Variants in MIPOL1 observed in about 807,000 individuals in gnomAD.
MIPOL1 encodes mirror-image polydactyly 1, also known as mirror-image polydactyly gene 1 protein.
A neutral mutation model predicts 60.9 loss-of-function variants in MIPOL1; 57 were observed. The observed-to-expected ratio is 0.94, with a 90% CI of 0.76 to 1.17. The LOEUF (loss-of-function observed/expected upper bound fraction) is 1.17. Ranked by LOEUF, MIPOL1 falls within the 50% of genes most tolerant of loss-of-function variation. MIPOL1 has a pLI of 0.00. For missense variants in MIPOL1, 551 were observed against 511.6 expected (o/e 1.08, Z -0.74); for synonymous variants, 179 against 168.8 (o/e 1.06, Z -0.47).
At chr14:37,434,140 C>T (rs555458670) in intron 11 of MIPOL1, among the ~76,000 whole-genome samples, 132 of 152,164 alleles carry the variant, frequency 8.7e-4, no homozygotes, top group Non-Finnish European at 1.4e-3. Context: ...CTAATTTACA[C>T]TCCCACCAAC....
intron 11 of MIPOL1, among the ~76,000 whole-genome samples, chr14:37,465,747 T>A (rs1276126677): frequency 6.6e-6 from 1 of 152,054 alleles, no homozygotes; most frequent in Non-Finnish European, 1.5e-5. Context: ...TTAGTAAGTG[T>A]CTTAAATTTT....
chr14:37,394,057 C>CATTATATATATATATATAT (rs1555329417), intron 10 of MIPOL1, among the ~76,000 whole-genome samples: 1 of 73,310 alleles, frequency 1.4e-5, no homozygotes, highest in African/African-American at 4.8e-5. Context: ...TTAGTAGTGG[C>CATTATATATATATATATAT]ATATATATAT....
chr14:37,460,325 T>C (rs1229311659), intron 11 of MIPOL1, among the ~76,000 whole-genome samples: 1 of 152,010 alleles, frequency 6.6e-6, no homozygotes, highest in Non-Finnish European at 1.5e-5. Flanking sequence ...CTCTTCATGA[T>C]AAAAACCTTC....
At chr14:37,449,690 G>T (rs1301489621) in intron 11 of MIPOL1, among the ~76,000 whole-genome samples, 5 of 152,078 alleles carry the variant, frequency 3.3e-5, no homozygotes, top group Non-Finnish European at 7.4e-5. Flanking sequence ...ACTTAACCAA[G>T]TACTTAAAAT....
intron 10 of MIPOL1, among the ~76,000 whole-genome samples, chr14:37,415,716 G>A (rs1358327809): frequency 6.6e-6 from 1 of 151,828 alleles, no homozygotes; most frequent in Non-Finnish European, 1.5e-5. Flanking sequence ...GGAGAGACTT[G>A]GGCCATAATT....
intron 9 of MIPOL1, among the ~76,000 whole-genome samples, chr14:37,315,095 G>A (rs1319417807): frequency 6.6e-6 from 1 of 152,020 alleles, no homozygotes; most frequent in African/African-American, 2.4e-5. Context: ...CTGGGGGGTG[G>A]GATTATCACT....
intron 11 of MIPOL1, among the ~76,000 whole-genome samples, chr14:37,425,200 A>T (rs976367098): frequency 1.3e-5 from 2 of 152,166 alleles, no homozygotes; most frequent in Non-Finnish European, 2.9e-5. Context: ...TGCTCTGTTG[A>T]TGAAGTGACA....
intron 9 of MIPOL1, among the ~76,000 whole-genome samples, chr14:37,361,809 A>G (rs920408294): frequency 1.3e-5 from 2 of 151,732 alleles, no homozygotes; most frequent in South Asian, 2.1e-4. Context: ...GGGTTGCACC[A>G]TGTTAGCCAG....
chr14:37,469,341 A>G (rs1380988565), intron 11 of MIPOL1, among the ~76,000 whole-genome samples: 1 of 152,100 alleles, frequency 6.6e-6, no homozygotes, highest in Non-Finnish European at 1.5e-5. Context: ...GGGGGGTGCT[A>G]CATACTTTTA....
intron 1 of MIPOL1, among the ~76,000 whole-genome samples, chr14:37,225,722 C>T (rs966377459): frequency 6.6e-6 from 1 of 152,176 alleles, no homozygotes; most frequent in Non-Finnish European, 1.5e-5. Flanking sequence ...TAATATTTGG[C>T]TCCTCATTAC....
At chr14:37,497,570 G>A (rs1271143297) in intron 11 of MIPOL1, among the ~76,000 whole-genome samples, 1 of 152,192 alleles carries the variant, frequency 6.6e-6, no homozygotes, top group African/African-American at 2.4e-5. Context: ...GTCAGGCATG[G>A]TGGCATATGC....
intron 9 of MIPOL1, among the ~76,000 whole-genome samples, chr14:37,366,860 T>G (rs1329798966): frequency 6.6e-6 from 1 of 152,082 alleles, no homozygotes; most frequent in Non-Finnish European, 1.5e-5. Context: ...TATTTAAAAT[T>G]GCTGCATCCT....
intron 9 of MIPOL1, among the ~76,000 whole-genome samples, chr14:37,347,099 C>A (rs1375396959): frequency 6.6e-6 from 1 of 151,638 alleles, no homozygotes; most frequent in African/African-American, 2.4e-5. Flanking sequence ...AAGTTAATAC[C>A]GAAAAAGGAA....
At chr14:37,378,940 C>T (rs2092850109) in intron 10 of MIPOL1, among the ~76,000 whole-genome samples, 1 of 152,010 alleles carries the variant, frequency 6.6e-6, no homozygotes, top group Non-Finnish European at 1.5e-5. Context: ...AACAAGACCA[C>T]AGTGAAAGGT....
chr14:37,504,081 T>C (rs1305103358), intron 12 of MIPOL1: 1 of 152,068 alleles, frequency 6.6e-6, no homozygotes, highest in African/African-American at 2.4e-5. Flanking sequence ...ATGCACCCAA[T>C]ACAGGAGCAC....
chr14:37,385,552 T>G (rs1747742503), intron 10 of MIPOL1: 1 of 152,086 alleles, frequency 6.6e-6, no homozygotes, highest in South Asian at 2.1e-4. Context: ...GGATGGCTGG[T>G]TTTTTTATAG....
intron 11 of MIPOL1, among the ~76,000 whole-genome samples, chr14:37,438,420 G>A (rs914176475): frequency 1.3e-5 from 2 of 152,138 alleles, no homozygotes; most frequent in Middle Eastern, 3.4e-3. Context: ...TTTTGGAGAG[G>A]AGAAAACTGA....
intron 3 of MIPOL1, among the ~76,000 whole-genome samples, chr14:37,249,562 T>G (rs951168804): frequency 6.6e-6 from 1 of 152,198 alleles, no homozygotes; most frequent in African/African-American, 2.4e-5. Context: ...AGAATCCAGA[T>G]AGCTGATGTA....
intron 9 of MIPOL1, among the ~76,000 whole-genome samples, chr14:37,358,499 T>C (rs963882518): frequency 6.6e-6 from 1 of 152,226 alleles, no homozygotes; most frequent in Non-Finnish European, 1.5e-5. Context: ...CCAGCATCTG[T>C]TGTTTTCTGA....
Sources: allele counts gnomAD v4.1 joint callset (sites outside exome capture counted in the v4.1 genomes callset), GRCh38; gene constraint gnomAD v4.1.1; transcripts MANE v1.5; gene names NCBI Gene and HGNC (gene_info 2026-07-23, HGNC 2026-07-21).